Variants in URGCP observed in about 807,000 individuals in gnomAD.
URGCP encodes upregulator of cell proliferation.
In URGCP, 13 loss-of-function variants were observed where a neutral mutation model predicts 24.6. That is an observed-to-expected ratio of 0.53 (90% CI 0.34 to 0.84). URGCP has a LOEUF of 0.84. URGCP is among the 40% of genes least tolerant of loss of function. URGCP has a pLI of 0.01. For missense variants in URGCP, 899 were observed against 1,194.3 expected (o/e 0.75, Z 3.64); for synonymous variants, 444 against 487.2 (o/e 0.91, Z 1.17).
At chr7:43,926,384 C>T in exon 1 of URGCP, 1 of 537,992 alleles carries the variant, frequency 1.9e-6, no homozygotes. Context: ...CCAGGACGCT[C>T]GGCACGCGGC....
chr7:43,894,733 A>C (rs1046671160), intron 1 of URGCP, among the ~76,000 whole-genome samples: 4 of 152,112 alleles, frequency 2.6e-5, no homozygotes, highest in Non-Finnish European at 2.9e-5. Flanking sequence ...AGAAATCAAT[A>C]ATGAGAACTC....
Position 43,878,165 on chromosome 7 carries a change from G to T in URGCP, c.1298C>A (p.Ala433Asp). ...TGCCCGCAGCACATTCCCAACGATG[G>T]CCCGGATCCTCTTCACGAAGCTGTC... ...DSDSFVKRIR[A>D]IVGNVLRAPC... Residue 433 changes from alanine to aspartate, a missense_variant, in exon 6 of 6, where the codon GCC (alanine) becomes GAC (aspartate). Coordinates refer to ENST00000453200, the MANE Select transcript of URGCP (RefSeq NM_001077663.3). This position sits in a 1 kb window ranked among gnomAD's most constrained non-coding sequence, Gnocchi z 5.6. 6.2e-7 allele frequency: 1 copy of T among 1,614,222 alleles called. No individual in the cohort carries two copies. The highest frequency in any genetic ancestry group is 8.5e-7 in the Non-Finnish European group (1 of 1,180,046).
At chr7:43,904,388 T>C (rs2095897251) in intron 1 of URGCP, among the ~76,000 whole-genome samples, 1 of 152,186 alleles carries the variant, frequency 6.6e-6, no homozygotes. Context: ...GATTGTCACT[T>C]AATAAAAACA....
chr7:43,897,152 G>A (rs1035766862), intron 1 of URGCP, among the ~76,000 whole-genome samples: 30 of 152,044 alleles, frequency 2.0e-4, no homozygotes, highest in African/African-American at 5.8e-4. Context: ...GCAGTGAGCC[G>A]TGATCCTGTC....
In URGCP at chr7:43,887,446, T is replaced by A; in HGVS notation, c.81A>T (p.Ala27=). ...DLGEVAPEIK[A]SERRTAVAIA... ...TGGCCACAGCTGTTCGTCTCTCTGA[T>A]GCTTTTATTTCTGGGGCTACTTCTC... Residue 27 remains alanine (A), a synonymous_variant, in exon 3 of 6, where the codon GCA becomes GCT. Transcript: ENST00000453200. 1.9e-6 allele frequency: 3 copies of A among 1,613,986 alleles called. No individual in the cohort carries two copies. The highest frequency in any genetic ancestry group is 2.5e-6 in the Non-Finnish European group (3 of 1,179,866).
intron 1 of URGCP, among the ~76,000 whole-genome samples, chr7:43,903,007 G>A (rs118135438): frequency 0.015 from 2,226 of 152,090 alleles, 34 homozygotes; most frequent in Middle Eastern, 0.041. Flanking sequence ...AGGTAGACTG[G>A]GCACTGTGTA....
rs1327949814 is a variant in URGCP at position 43,877,466 on chromosome 7, C to A, written c.1997G>T (p.Ser666Ile). The A allele has an allele frequency of 1.9e-6, 3 of 1,613,706 alleles. No homozygotes were observed. The highest frequency in any genetic ancestry group is 2.5e-6 in the Non-Finnish European group (3 of 1,180,046). ...TGLPLELIDG[S>I]TLSMPVRWVT... ...CCAGCGGACGGGCATGCTCAGCGTG[C>A]TCCCATCGATTAGCTCCAGAGGCAG... The change falls in exon 6 of 6, where the codon AGC becomes ATC. Residue 666 changes from serine (S) to isoleucine (I), a missense_variant. By Grantham distance (142) the Ser-to-Ile change is moderately radical. Coordinates refer to ENST00000453200, the MANE Select transcript of URGCP (RefSeq NM_001077663.3).
At chr7:43,881,736 T>A in intron 4 of URGCP, 39 bp from the exon 5 acceptor site, 1 of 1,614,016 alleles carries the variant, frequency 6.2e-7, no homozygotes, top group Non-Finnish European at 8.5e-7. Context: ...GTCAATCAAA[T>A]AATGCACCCT....
chr7:43,907,956 T>C (rs539149751), upstream of URGCP, among the ~76,000 whole-genome samples: 10 of 152,280 alleles, frequency 6.6e-5, no homozygotes, highest in South Asian at 2.1e-3. Flanking sequence ...CGCGAACTTG[T>C]GACACCCAAA....
At chr7:43,894,377 C>T (rs1041454904) in intron 1 of URGCP, among the ~76,000 whole-genome samples, 1 of 152,160 alleles carries the variant, frequency 6.6e-6, no homozygotes, top group Non-Finnish European at 1.5e-5. Context: ...TTGAGACACT[C>T]TCGTTCTGTT....
intron 1 of URGCP, among the ~76,000 whole-genome samples, chr7:43,905,251 C>T (rs2095898911): frequency 7.9e-6 from 1 of 126,114 alleles, no homozygotes; most frequent in East Asian, 2.3e-4. Context: ...TTCAGCCACC[C>T]TCAACATTGC....
In URGCP at chr7:43,916,131, G is replaced by T. The variant is rs992713162; in HGVS notation, c.-116+10001C>A. The stretch of plus-strand genomic sequence containing the variant: ...GCAGTTAACAAAGCCCTGCATTTAC[G>T]CTGTTTTTCTTTTCCTTTTCTCCAC... On this transcript the variant is annotated intron_variant, in intron 1 of 5. Coordinates refer to the URGCP transcript ENST00000426198. Among the ~76,000 whole-genome samples the T allele has an allele frequency of 2.0e-5, 3 of 152,216 alleles. No homozygotes were observed. The East Asian group carries it at 5.8e-4, about 29-fold the overall frequency.
At chr7:43,919,329 C>A in intron 1 of URGCP, 1 of 833,618 alleles carries the variant, frequency 1.2e-6, no homozygotes, top group Non-Finnish European at 2.1e-6. Flanking sequence ...AGCCCTGAAC[C>A]AGATTGCCAC....
chr7:43,877,822 C>G lies in URGCP; in HGVS notation c.1641G>C (p.Gly547=), dbSNP rs1381084203. The G allele has an allele frequency of 6.2e-7, 1 of 1,606,952 alleles. No individual in the cohort carries two copies. Among genetic ancestry groups the G allele is most frequent in the South Asian group, 1.1e-5 (1 of 90,410 alleles). Residue 547 remains glycine, a synonymous_variant, in exon 6 of 6, where the codon GGG becomes GGC. Transcript: ENST00000453200. ...MQQNGHDPSS[G]VQEFISGISS... is the part of the protein sequence containing the mutation. ...TGATCCCCGAGATGAACTCCTGCAC[C>G]CCCGAGGAGGGATCATGGCCGTTCT...
intron 3 of URGCP, 89 bp from the exon 4 acceptor site, chr7:43,882,046 C>T (rs1341052051): frequency 1.3e-6 from 2 of 1,591,686 alleles, no homozygotes; most frequent in African/African-American, 2.7e-5. Flanking sequence ...TGCCTGTAAC[C>T]CCAGCACTTT....
intron 1 of URGCP, among the ~76,000 whole-genome samples, chr7:43,900,481 A>AAG (rs201417478): frequency 0.11 from 16,016 of 147,494 alleles, 1,029 homozygotes; most frequent in Admixed American, 0.16. Flanking sequence ...AAAAAAAAAA[A>AAG]AAAAAGAAAA....
intron 1 of URGCP, among the ~76,000 whole-genome samples, chr7:43,890,738 A>C (rs2095869440): frequency 2.0e-5 from 3 of 152,094 alleles, no homozygotes; most frequent in Admixed American, 2.0e-4. Flanking sequence ...CAGGGTGTCC[A>C]CAGCTCCTTC....
chr7:43,901,243 A>T (rs1161885360), intron 1 of URGCP, among the ~76,000 whole-genome samples: 1 of 152,200 alleles, frequency 6.6e-6, no homozygotes, highest in African/African-American at 2.4e-5. Context: ...GTGGTTCCGG[A>T]TGAGAGGCTC....
intron 1 of URGCP, among the ~76,000 whole-genome samples, chr7:43,914,937 T>A (rs1001520120): frequency 1.3e-5 from 2 of 152,180 alleles, no homozygotes; most frequent in African/African-American, 4.8e-5. Flanking sequence ...TTAACACAAA[T>A]GCAGTAAGGG....
Sources: gnomAD v4.1 joint callset for allele counts (sites outside exome capture counted in the v4.1 genomes callset) on GRCh38, gnomAD v4.1.1 for gene constraint, Gnocchi (gnomAD v3.1) non-coding constraint, MANE v1.5 for transcripts, NCBI Gene and HGNC (gene_info 2026-07-23, HGNC 2026-07-21) for gene names.